Variants in PRUNE2 observed in about 807,000 individuals in gnomAD.
PRUNE2 encodes protein prune homolog 2.
A neutral mutation model predicts 252.0 loss-of-function variants in PRUNE2; 164 were observed. The observed-to-expected ratio is 0.65, with a 90% CI of 0.57 to 0.74. The LOEUF is 0.74. Among genes scored for constraint, PRUNE2 ranks in the 30% least tolerant of loss-of-function variants. The pLI, the probability that PRUNE2 is intolerant of heterozygous loss-of-function variation, is 0.00. For missense variants in PRUNE2, 3,495 were observed against 3,711.0 expected (o/e 0.94, Z 1.51); for synonymous variants, 1,292 against 1,350.2 (o/e 0.96, Z 0.94).
At chr9:76,768,585 G>GTGTGTGTGTA (rs1554757131) in intron 6 of PRUNE2, among the ~76,000 whole-genome samples, 3 of 64,132 alleles carry the variant, frequency 4.7e-5, no homozygotes, top group African/African-American at 2.8e-4. Context: ...GTATATGTAT[G>GTGTGTGTGTA]TGTGTGTGTG....
chr9:76,712,031 T>C (rs560169772), intron 7 of PRUNE2, among the ~76,000 whole-genome samples: 1 of 152,058 alleles, frequency 6.6e-6, no homozygotes, highest in African/African-American at 2.4e-5. Context: ...GTCAGGAGTA[T>C]TTTGTTGTGC....
intron 9 of PRUNE2, chr9:76,700,100 C>T (rs1046151549): frequency 2.6e-5 from 4 of 152,154 alleles, no homozygotes; most frequent in Admixed American, 2.6e-4. Context: ...GCCCTAGTAA[C>T]AAGTTTTGTT....
chr9:76,655,443 C>G lies in PRUNE2; in HGVS notation c.8336G>C (p.Ser2779Thr), dbSNP rs371187785. ...IPFEEGVLSP[S>T]AADMRPEPPN... ...CTCACCAGGCCTCATGTCTGCAGCA[C>G]TGGGACTCAGCACGCCCTCTTCAAA... Residue 2779 changes from serine to threonine, a missense_variant, in exon 10 of 19, where the codon AGT becomes ACT. By Grantham distance (58) the Ser-to-Thr change is moderately conservative. Coordinates refer to ENST00000376718, the MANE Select transcript of PRUNE2 (RefSeq NM_015225.3). 3.1e-6 allele frequency: 5 copies of G among 1,612,266 alleles called. No individual in the cohort carries two copies. In the African/African-American group the frequency reaches 4.0e-5, roughly 13 times the overall value.
At position 76,868,435 on chromosome 9, in the gene PRUNE2, C is replaced by T. The variant is rs557216600; in HGVS notation, c.37-14227G>A. ...GTCCACACATACACTCAGGCCTGAG[C>T]TGGTTTACTGTGCCCACCATCCCTA... On this transcript the variant is annotated intron_variant, in intron 1 of 18. Coordinates refer to ENST00000376718, the MANE Select transcript of PRUNE2 (RefSeq NM_015225.3). Among the ~76,000 whole-genome samples, 8 of 152,262 alleles carry T rather than the reference C, an allele frequency of 5.3e-5. No individual in the cohort carries two copies. The South Asian group carries it at 1.7e-3, about 32-fold the overall frequency.
At chr9:76,683,217 C>T (rs680949) in intron 9 of PRUNE2, among the ~76,000 whole-genome samples, 123,244 of 152,226 alleles carry the variant, frequency 0.81, 51,860 homozygotes, top group Non-Finnish European at 0.92. Context: ...CGAATAAGCA[C>T]GTGACACCAG....
At chr9:76,837,167 G>A (rs1326209399) in intron 4 of PRUNE2, among the ~76,000 whole-genome samples, 2 of 152,226 alleles carry the variant, frequency 1.3e-5, no homozygotes, top group African/African-American at 2.4e-5. Flanking sequence ...TTATTGGCCG[G>A]GCACAGTGGC....
rs561301973 is a variant in PRUNE2 at position 76,710,812 on chromosome 9, C to T, written c.1462G>A (p.Gly488Ser). 20 of 1,571,950 alleles carry T rather than the reference C, an allele frequency of 1.3e-5. No individual in the cohort carries two copies. Among genetic ancestry groups the T allele is most frequent in the African/African-American group, 9.5e-5 (7 of 73,982 alleles). Residue 488 changes from glycine to serine, a missense_variant, in exon 8 of 19, where the codon GGT (glycine) becomes AGT (serine). By Grantham distance (56) the Gly-to-Ser change is moderately conservative. Coordinates refer to ENST00000376718, the MANE Select transcript of PRUNE2 (RefSeq NM_015225.3). ...AEEHAWSGEH[G>S]EHFDLFNFDP... ...AAATTGAAGAGGTCGAAGTGCTCAC[C>T]GTGTTCTCCAGACCATGCATGTTCC...
In PRUNE2 at chr9:76,743,002, C is replaced by T. The variant is rs139097736; in HGVS notation, c.757-29281G>A. On this transcript the variant is annotated intron_variant, in intron 6 of 18. Transcript: ENST00000376718. ...TGGCAGTTTAATTGAATCACGAGGT[C>T]GGTTACCTCCATGCTGTTCTTGTGA... Among the ~76,000 whole-genome samples the T allele has an allele frequency of 1.1e-4, 17 of 152,238 alleles. No individual in the cohort carries two copies. In the East Asian group the frequency reaches 3.3e-3, roughly 29 times the overall value.
Position 76,723,551 on chromosome 9 carries a change from C to T in PRUNE2, c.757-9830G>A, listed in dbSNP as rs7855469. Among the ~76,000 whole-genome samples, 884 of 152,220 alleles carry T rather than the reference C, an allele frequency of 5.8e-3. 5 individuals are homozygous for T. The highest frequency in any genetic ancestry group is 0.019 in the African/African-American group (797 of 41,544). On this transcript the variant is annotated intron_variant, in intron 6 of 18. Transcript: ENST00000376718. Reference sequence around the variant, plus strand: ...GTTTCTTAACAGAAGACCATAAAAGCGAAGTCCTCTCACTAAGGTACAACT... The same window carrying T: ...GTTTCTTAACAGAAGACCATAAAAGTGAAGTCCTCTCACTAAGGTACAACT...
chr9:76,776,887 AACACATACAC>A (rs771597017), intron 6 of PRUNE2, among the ~76,000 whole-genome samples: 1,649 of 96,526 alleles, frequency 0.017, 33 homozygotes, highest in African/African-American at 0.049. Flanking sequence ...TCATTACCAA[AACACATACAC>A]ACACACACAC....
rs749292621 is a variant in PRUNE2 at position 76,708,409 on chromosome 9, C to T, written c.3865G>A (p.Glu1289Lys). The T allele has an allele frequency of 8.7e-6, 14 of 1,613,806 alleles. No individual in the cohort carries two copies. The highest frequency in any genetic ancestry group is 1.2e-5 in the Non-Finnish European group (14 of 1,179,908). The stretch of plus-strand genomic sequence containing the variant: ...GCATCACTTTGCAGGGTTTCCCTCT[C>T]TGTGTCCTGCTTGTCAAGATGAGAT... Reference protein sequence around the residue: ...LISHLDKQDTERETLQSDAAS... With the variant: ...LISHLDKQDTKRETLQSDAAS... Residue 1289 changes from glutamate to lysine, a missense_variant, in exon 8 of 19, where the codon GAG (glutamate) becomes AAG (lysine). By Grantham distance (56) the Glu-to-Lys change is moderately conservative (BLOSUM62 1). Transcript: ENST00000376718.
In PRUNE2 at chr9:76,625,485, C is replaced by T. The variant is rs556120909; in HGVS notation, c.9150-995G>A. 4.6e-5 allele frequency among the ~76,000 whole-genome samples: 7 copies of T among 152,226 alleles called. No homozygotes were observed. In the East Asian group the frequency reaches 1.2e-3, roughly 25 times the overall value. ...TAAAGACGCACTTCTCAGAACATGT[C>T]TCTGTCATTAGGTGATGTATGATGG... On this transcript the variant is annotated intron_variant, in intron 16 of 18. Coordinates refer to ENST00000376718, the MANE Select transcript of PRUNE2 (RefSeq NM_015225.3).
chr9:76,706,894 TC>T lies in PRUNE2; in HGVS notation c.5379del (p.Thr1794GlnfsTer46). 1 of 1,599,448 alleles carries T rather than the reference TC, an allele frequency of 6.3e-7. No individual in the cohort carries two copies. The highest frequency in any genetic ancestry group is 8.5e-7 in the Non-Finnish European group (1 of 1,172,668). On this transcript the variant is annotated frameshift_variant, in exon 8 of 19. Coordinates refer to ENST00000376718, the MANE Select transcript of PRUNE2 (RefSeq NM_015225.3). LOFTEE classifies it high-confidence loss of function. The part of the protein sequence containing the change: ...EKEKRSSPET[G>X]TTGDVAWQIS... ...ATTTGCCATGCAACATCTCCTGTTG[TC>T]CCTGTTTCTGGAGAAGATCTCTTCT...
chr9:76,764,306 G>A (rs1374413122), intron 6 of PRUNE2: 2 of 152,198 alleles, frequency 1.3e-5, no homozygotes, highest in South Asian at 2.1e-4. Flanking sequence ...GTGACGGGAA[G>A]GAGCATGATG....
intron 6 of PRUNE2, among the ~76,000 whole-genome samples, chr9:76,753,489 T>C (rs1471775527): frequency 1.3e-5 from 2 of 152,142 alleles, no homozygotes; most frequent in Non-Finnish European, 2.9e-5. Context: ...ATAAGGAACC[T>C]TGTGAAACAG....
intron 6 of PRUNE2, among the ~76,000 whole-genome samples, chr9:76,763,288 GAGTTACGTGAGGTTTAAATA>G (rs2051942969): frequency 6.6e-6 from 1 of 152,192 alleles, no homozygotes; most frequent in Non-Finnish European, 1.5e-5. Context: ...TGGTGTCACA[GAGTTACGTGAGGTTTAAATA>G]AGTTACCTTA....
chr9:76,828,051 G>A (rs2058447310), intron 4 of PRUNE2, among the ~76,000 whole-genome samples: 1 of 152,198 alleles, frequency 6.6e-6, no homozygotes, highest in South Asian at 2.1e-4. Flanking sequence ...CGGGAGATTA[G>A]AGGTTACAAA....
rs529266885 is a variant in PRUNE2 at position 76,719,716 on chromosome 9, T to C, written c.757-5995A>G. Among the ~76,000 whole-genome samples, 231 of 152,200 alleles carry C rather than the reference T, an allele frequency of 1.5e-3. 4 individuals carry two copies. Among genetic ancestry groups the C allele is most frequent in the Admixed American group, 0.015 (222 of 15,292 alleles). The stretch of plus-strand genomic sequence containing the variant: ...AGGCTGGAGTGCAATGGTATGATCA[T>C]GAGTCACTGCAGACTCAACCTCCTA... On this transcript the variant is annotated intron_variant, in intron 6 of 18. Coordinates refer to ENST00000376718, the MANE Select transcript of PRUNE2 (RefSeq NM_015225.3).
At chr9:76,833,540 C>T (rs1216113536) in intron 4 of PRUNE2, among the ~76,000 whole-genome samples, 2 of 151,720 alleles carry the variant, frequency 1.3e-5, no homozygotes, top group African/African-American at 4.8e-5. Context: ...CTGAGGTGGG[C>T]GGATCACGAA....
Sources: allele counts gnomAD v4.1 joint callset (sites outside exome capture counted in the v4.1 genomes callset), GRCh38; gene constraint gnomAD v4.1.1; transcripts MANE v1.5; gene names NCBI Gene and HGNC (gene_info 2026-07-23, HGNC 2026-07-21).